Variants in ELP4 observed in about 807,000 individuals in gnomAD.
The protein encoded by ELP4 is elongator complex protein 4.
A neutral mutation model predicts 48.9 loss-of-function variants in ELP4; 51 were observed. The observed-to-expected ratio is 1.04, with a 90% CI of 0.83 to 1.32. The LOEUF (loss-of-function observed/expected upper bound fraction) is 1.32. Among genes scored for constraint, ELP4 ranks in the 40% most tolerant of loss-of-function variants. The probability of loss-of-function intolerance (pLI) is 0.00; values close to 1 mark genes in which losing one functional copy is unlikely to be tolerated. For synonymous variants in ELP4, 210 were observed against 189.2 expected (o/e 1.11, Z -0.90); for missense variants, 519 against 514.6 (o/e 1.01, Z -0.08).
chr11:31,684,396 G>C (rs1946119321), intron 9 of ELP4, among the ~76,000 whole-genome samples: 1 of 152,014 alleles, frequency 6.6e-6, no homozygotes, highest in Non-Finnish European at 1.5e-5. Context: ...TACTAGAGAT[G>C]GGGTTTCACC....
intron 9 of ELP4, among the ~76,000 whole-genome samples, chr11:31,697,855 A>G (rs1248022312): frequency 6.6e-6 from 1 of 152,204 alleles, no homozygotes; most frequent in East Asian, 1.9e-4. Flanking sequence ...AGAGATGAAG[A>G]AGAGAATTGT....
intron 9 of ELP4, among the ~76,000 whole-genome samples, chr11:31,769,361 G>A (rs1948095394): frequency 1.3e-5 from 2 of 152,290 alleles, no homozygotes; most frequent in East Asian, 1.9e-4. Flanking sequence ...ACACGTTCAT[G>A]TATGTGTTAG....
chr11:31,544,411 C>CT (rs1049905330), intron 3 of ELP4, among the ~76,000 whole-genome samples: 1 of 152,188 alleles, frequency 6.6e-6, no homozygotes, highest in Non-Finnish European at 1.5e-5. Flanking sequence ...GCACAGCAGT[C>CT]TGAGATCAAA....
intron 3 of ELP4, among the ~76,000 whole-genome samples, chr11:31,546,617 G>A (rs1400993047): frequency 1.3e-5 from 2 of 152,084 alleles, no homozygotes; most frequent in African/African-American, 4.8e-5. Flanking sequence ...ATTGAATTCA[G>A]CTCTGCACCA....
intron 3 of ELP4, among the ~76,000 whole-genome samples, chr11:31,546,187 G>A (rs1235066007): frequency 2.6e-5 from 4 of 152,006 alleles, no homozygotes; most frequent in Admixed American, 6.5e-5. Context: ...GACACAGACT[G>A]GCAAATTGGA....
At chr11:31,532,416 G>A (rs996650544) in intron 2 of ELP4, among the ~76,000 whole-genome samples, 1 of 152,098 alleles carries the variant, frequency 6.6e-6, no homozygotes, top group African/African-American at 2.4e-5. Context: ...AGTATGGGGA[G>A]CAAGAAAAAA....
At chr11:31,510,300 C>A in intron 1 of ELP4, 1 of 528,808 alleles carries the variant, frequency 1.9e-6, no homozygotes, top group South Asian at 3.1e-5. Context: ...GCTTTCTAGT[C>A]AAGGGAAGAC....
intron 9 of ELP4, among the ~76,000 whole-genome samples, chr11:31,771,751 G>A (rs955132773): frequency 9.2e-5 from 14 of 152,284 alleles, no homozygotes; most frequent in South Asian, 2.1e-4. Context: ...AGGCCAAGGC[G>A]GGCAGATCAC....
At chr11:31,602,505 G>A (rs1187509371) in intron 4 of ELP4, among the ~76,000 whole-genome samples, 15 of 151,902 alleles carry the variant, frequency 9.9e-5, no homozygotes, top group African/African-American at 3.4e-4. Flanking sequence ...AAAGTAAGTA[G>A]TACCTTATGG....
At chr11:31,781,243 A>G (rs1948366833) in intron 9 of ELP4, among the ~76,000 whole-genome samples, 1 of 152,194 alleles carries the variant, frequency 6.6e-6, no homozygotes, top group Non-Finnish European at 1.5e-5. Context: ...AACCAAAAGT[A>G]TATACATGCA....
intron 9 of ELP4, among the ~76,000 whole-genome samples, chr11:31,696,367 G>A (rs1321068071): frequency 3.9e-5 from 6 of 152,056 alleles, no homozygotes; most frequent in African/African-American, 1.4e-4. Context: ...GGTATGTTAT[G>A]TCTTTGTTCT....
chr11:31,787,947 C>T lies in ELP4; in HGVS notation c.*4423C>T, dbSNP rs552510355. Reference sequence around the variant, plus strand: ...AATTCAGTGGAAGTGTGTCTTTGTCCCCAGAGGTTTCTGCATGTGCAAGCA... The same window carrying T: ...AATTCAGTGGAAGTGTGTCTTTGTCTCCAGAGGTTTCTGCATGTGCAAGCA... On this transcript the variant is annotated 3_prime_UTR_variant, in exon 10 of 10. Transcript: ENST00000640961. The T allele has an allele frequency of 4.5e-6, 1 of 221,812 alleles. No individual in the cohort carries two copies. Among genetic ancestry groups the T allele is most frequent in the East Asian group, 6.6e-5 (1 of 15,196 alleles). The allele number at this position is 221,812 out of a possible 1,614,324, so 13.7% of individuals were successfully genotyped here. A position where few individuals can be genotyped will look rare whatever the true frequency, so the allele number is the denominator to read the frequency against.
intron 3 of ELP4, among the ~76,000 whole-genome samples, chr11:31,589,772 A>G (rs1186300156): frequency 6.6e-6 from 1 of 152,190 alleles, no homozygotes; most frequent in Non-Finnish European, 1.5e-5. Flanking sequence ...TCCTTTACTA[A>G]GTTTATTAAA....
At chr11:31,600,486 G>A (rs1395893006) in intron 4 of ELP4, 1 of 152,124 alleles carries the variant, frequency 6.6e-6, no homozygotes, top group Non-Finnish European at 1.5e-5. Flanking sequence ...CCCTGTGGTA[G>A]ATGTGTATAG....
At chr11:31,559,105 A>G (rs1248894258) in intron 3 of ELP4, among the ~76,000 whole-genome samples, 1 of 152,198 alleles carries the variant, frequency 6.6e-6, no homozygotes, top group Non-Finnish European at 1.5e-5. Context: ...GGAAAAAGGC[A>G]GCACACTGTC....
intron 9 of ELP4, among the ~76,000 whole-genome samples, chr11:31,670,691 T>C (rs1365644139): frequency 6.6e-6 from 1 of 152,202 alleles, no homozygotes; most frequent in Non-Finnish European, 1.5e-5. Flanking sequence ...GGGAGGCTTT[T>C]GCGTTGCCCA....
intron 3 of ELP4, among the ~76,000 whole-genome samples, chr11:31,558,685 A>T (rs1020187928): frequency 3.3e-5 from 5 of 152,174 alleles, no homozygotes; most frequent in African/African-American, 1.2e-4. Context: ...TGCCTACCTT[A>T]TTCCGGAGTT....
chr11:31,639,462 T>G (rs1945044437), intron 7 of ELP4, among the ~76,000 whole-genome samples: 2 of 152,006 alleles, frequency 1.3e-5, no homozygotes, highest in South Asian at 4.1e-4. Context: ...CAGCTCAAGC[T>G]TTTTTTCTTG....
Position 31,632,216 on chromosome 11 carries a change from GA to G in ELP4, c.744del (p.Lys248AsnfsTer6). 6.3e-7 allele frequency: 1 copy of G among 1,594,584 alleles called. No individual in the cohort carries two copies. Among genetic ancestry groups the G allele is most frequent in the Non-Finnish European group, 8.5e-7 (1 of 1,173,780 alleles). ...TTTGCTTTTTTCCCACTTTCTTTTA[GA>G]AAAAACAGAGAAACATTTTAAGAAT... ...EEGFDGSNPQ[K>X]KQRNILRIGI... On this transcript the variant is annotated frameshift_variant and splice_region_variant, in exon 7 of 10. Coordinates refer to ENST00000640961, the MANE Select transcript of ELP4 (RefSeq NM_019040.5). LOFTEE classifies it high-confidence loss of function.
Sources: gnomAD v4.1 joint callset for allele counts (sites outside exome capture counted in the v4.1 genomes callset) on GRCh38, gnomAD v4.1.1 for gene constraint, MANE v1.5 for transcripts, NCBI Gene and HGNC (gene_info 2026-07-23, HGNC 2026-07-21) for gene names.